Variants in TNIK observed in about 807,000 individuals in gnomAD.
The protein encoded by TNIK is TRAF2 and NCK interacting kinase.
TNIK carries 49 observed loss-of-function variants against 191.3 expected under a neutral mutation model. The observed-to-expected ratio is 0.26, with a 90% CI of 0.20 to 0.32. TNIK has a LOEUF of 0.32. Among genes scored for constraint, TNIK ranks in the 10% least tolerant of loss-of-function variants. TNIK has a pLI of 1.00. For missense variants in TNIK, 1,155 were observed against 1,702.3 expected, an observed-to-expected ratio of 0.68 and a Z score of 5.66; for synonymous variants, 594 against 600.9, an observed-to-expected ratio of 0.99 and a Z score of 0.17.
rs75631037 is a variant in TNIK at position 171,079,746 on chromosome 3, C to CGTGTGT, written c.3314-100_3314-95dup. ...ATTTATTTCTAATTTATTTTATTTA[C>CGTGTGT]GTGTGTGTGTGTGTGTATGAAGGCA... is the stretch of plus-strand genomic sequence containing the variant. On this transcript the variant is annotated intron_variant, in intron 27 of 32. Coordinates refer to ENST00000436636, the MANE Select transcript of TNIK (RefSeq NM_015028.4). 4.6e-5 allele frequency: 60 copies of CGTGTGT among 1,314,852 alleles called. No individual in the cohort carries two copies. The African/African-American group carries it at 6.4e-4, about 14-fold the overall frequency. 81.4% of individuals were successfully genotyped at this position (1,314,852 alleles called of 1,614,324 possible). A position where few individuals can be genotyped will look rare whatever the true frequency, so the allele number is the denominator to read the frequency against.
At chr3:171,291,432 T>C (rs899221534) in intron 2 of TNIK, among the ~76,000 whole-genome samples, 3 of 152,220 alleles carry the variant, frequency 2.0e-5, no homozygotes, top group African/African-American at 7.2e-5. Context: ...CTGCTGATAG[T>C]GAGTTTTCTT....
chr3:171,339,929 T>C (rs915988934), intron 2 of TNIK, among the ~76,000 whole-genome samples: 5 of 152,202 alleles, frequency 3.3e-5, no homozygotes, highest in African/African-American at 9.6e-5. Context: ...GGTTTGAGCC[T>C]AGTTATATCT....
intron 4 of TNIK, among the ~76,000 whole-genome samples, chr3:171,203,605 AACC>A (rs1739687358): frequency 6.6e-6 from 1 of 152,234 alleles, no homozygotes; most frequent in South Asian, 2.1e-4. Context: ...GGCATAATTA[AACC>A]ACCACCACCT....
At chr3:171,208,840 G>T (rs1192509661) in intron 4 of TNIK, among the ~76,000 whole-genome samples, 2 of 152,094 alleles carry the variant, frequency 1.3e-5, no homozygotes, top group East Asian at 3.9e-4. Context: ...GATTACAGGC[G>T]TGAGCCACCC....
At chr3:171,088,190 G>A (rs1003909188) in intron 23 of TNIK, among the ~76,000 whole-genome samples, 2 of 151,888 alleles carry the variant, frequency 1.3e-5, no homozygotes, top group African/African-American at 4.8e-5. Flanking sequence ...CAAAGCATTT[G>A]AAACATCACC....
chr3:171,123,205 A>G (rs7615163), intron 18 of TNIK, among the ~76,000 whole-genome samples: 10,461 of 152,246 alleles, frequency 0.069, 1,168 homozygotes, highest in African/African-American at 0.23. Flanking sequence ...ACCTGATGCT[A>G]AAAATCACCT....
chr3:171,179,714 T>C (rs1430622856), intron 7 of TNIK, among the ~76,000 whole-genome samples: 2 of 152,154 alleles, frequency 1.3e-5, no homozygotes, highest in Non-Finnish European at 2.9e-5. Context: ...CCTCCCAAAG[T>C]GCTGGGATTA....
At chr3:171,356,539 C>G (rs962934722) in intron 2 of TNIK, among the ~76,000 whole-genome samples, 1 of 152,160 alleles carries the variant, frequency 6.6e-6, no homozygotes, top group Non-Finnish European at 1.5e-5. Context: ...CATCGCTGCT[C>G]TATAGTATAA....
intron 1 of TNIK, among the ~76,000 whole-genome samples, chr3:171,417,466 T>C (rs1723235471): frequency 6.6e-6 from 1 of 152,222 alleles, no homozygotes; most frequent in African/African-American, 2.4e-5. Context: ...TGAGAACTTT[T>C]ATAGTTACTT....
In TNIK at chr3:171,082,200, A is replaced by T. The variant is rs371915629; in HGVS notation, c.3313+51T>A. 2,324 of 1,586,674 alleles carry T rather than the reference A, an allele frequency of 1.5e-3. 17 individuals are homozygous for T. Among genetic ancestry groups the T allele is most frequent in the South Asian group, 0.011 (974 of 86,572 alleles). Reference sequence around the variant, plus strand: ...AACTGTTTCTGCAGAAATGAGGTGGATCCCTTTCCCGCTGTATGGACCTGG... The same window carrying T: ...AACTGTTTCTGCAGAAATGAGGTGGTTCCCTTTCCCGCTGTATGGACCTGG... On this transcript the variant is annotated intron_variant, in intron 27 of 32. Transcript: ENST00000436636.
At chr3:171,226,795 T>C (rs1396318848) in intron 3 of TNIK, among the ~76,000 whole-genome samples, 2 of 152,176 alleles carry the variant, frequency 1.3e-5, no homozygotes, top group Non-Finnish European at 2.9e-5. Context: ...AATAAGTCAG[T>C]ACAATGTGTG....
At chr3:171,068,352 C>T (rs950546848) in intron 30 of TNIK, among the ~76,000 whole-genome samples, 15 of 152,124 alleles carry the variant, frequency 9.9e-5, no homozygotes, top group African/African-American at 3.4e-4. Context: ...CTACTGTGTC[C>T]ATTACTGCAA....
In TNIK at chr3:171,190,701, T is replaced by C; in HGVS notation, c.504A>G (p.Lys168=). The change falls in exon 6 of 33, where the codon AAA becomes AAG. Residue 168 remains lysine (K), a synonymous_variant. Transcript: ENST00000436636. ...CTCACAGGATTCTGCTCTTACCTAG[T>C]TTAACTTCTGCATTTTCAGTCAGCA... ...NVLLTENAEV[K]LVDFGVSAQL... The C allele has an allele frequency of 6.3e-7, 1 of 1,587,126 alleles. No individual in the cohort carries two copies. The highest frequency in any genetic ancestry group is 1.7e-4 in the Middle Eastern group (1 of 6,030).
intron 2 of TNIK, among the ~76,000 whole-genome samples, chr3:171,248,171 G>A (rs770519015): frequency 5.9e-5 from 9 of 152,128 alleles, no homozygotes; most frequent in Non-Finnish European, 1.0e-4. Flanking sequence ...ACCCAATAAG[G>A]GATACCTGTC....
intron 2 of TNIK, among the ~76,000 whole-genome samples, chr3:171,243,573 T>C (rs1745236217): frequency 6.6e-6 from 1 of 152,190 alleles, no homozygotes; most frequent in South Asian, 2.1e-4. Flanking sequence ...GTTAAATTCA[T>C]AGACTCCTTA....
At chr3:171,204,574 A>G (rs1184202642) in intron 4 of TNIK, among the ~76,000 whole-genome samples, 2 of 152,238 alleles carry the variant, frequency 1.3e-5, no homozygotes, top group African/African-American at 4.8e-5. Flanking sequence ...TAGTCTGAAG[A>G]GTCAACTATC....
At chr3:171,304,429 A>G (rs895958106) in intron 2 of TNIK, among the ~76,000 whole-genome samples, 2 of 152,226 alleles carry the variant, frequency 1.3e-5, no homozygotes, top group Non-Finnish European at 1.5e-5. Context: ...AAACTAGTTC[A>G]ACCATTGTGG....
At chr3:171,397,313 C>T (rs780184360) in intron 1 of TNIK, among the ~76,000 whole-genome samples, 3 of 152,160 alleles carry the variant, frequency 2.0e-5, no homozygotes, top group Non-Finnish European at 2.9e-5. Context: ...AGTGAGGTGA[C>T]GGACCAAGGA....
intron 27 of TNIK, 143 bp from the exon 28 acceptor site, chr3:171,079,795 T>C: frequency 1.9e-6 from 2 of 1,037,162 alleles, no homozygotes; most frequent in South Asian, 2.0e-5. Context: ...CCCCAGCACT[T>C]TGTCATTAAA....
Sources: allele counts gnomAD v4.1 joint callset (sites outside exome capture counted in the v4.1 genomes callset), GRCh38; gene constraint gnomAD v4.1.1; transcripts MANE v1.5; gene names NCBI Gene and HGNC (gene_info 2026-07-23, HGNC 2026-07-21).